The following LRPPRC variants were observed in gnomAD, a reference collection of about 807,000 sequenced individuals.
LRPPRC encodes the protein leucine-rich PPR motif-containing protein, mitochondrial.
In LRPPRC, 120 loss-of-function variants were observed where a neutral mutation model predicts 180.3. The ratio of observed to expected loss-of-function variants is 0.67; its 90% CI spans 0.57 to 0.77. LRPPRC has a LOEUF of 0.77. Ranked by LOEUF, LRPPRC falls within the 30% of genes least tolerant of loss-of-function variation. The pLI, the probability that LRPPRC is intolerant of heterozygous loss-of-function variation, is 0.00. For synonymous variants in LRPPRC, 723 were observed against 600.0 expected, an observed-to-expected ratio of 1.21 and a Z score of -3.00; for missense variants, 2,012 against 1,657.2, an observed-to-expected ratio of 1.21 and a Z score of -3.72.
chr2:43,987,585 T>C (rs1674585858), intron 1 of LRPPRC, among the ~76,000 whole-genome samples: 1 of 150,436 alleles, frequency 6.6e-6, no homozygotes, highest in Admixed American at 6.6e-5. Flanking sequence ...AAACTCAAAC[T>C]CAAAATCTTA....
At chr2:43,890,008 A>G in intron 36 of LRPPRC, 132 bp from the exon 37 acceptor site, 2 of 674,996 alleles carry the variant, frequency 3.0e-6, no homozygotes, top group Non-Finnish European at 5.4e-6. Context: ...ACTTTCAGTA[A>G]GAAGCCACAT....
At chr2:43,918,173 T>A (rs1175814575) in intron 28 of LRPPRC, 40 bp from the exon 29 acceptor site, 42 of 1,597,386 alleles carry the variant, frequency 2.6e-5, no homozygotes, top group Non-Finnish European at 3.2e-5. Context: ...AAACTGGTAA[T>A]CTTTTCAATA....
intron 13 of LRPPRC, among the ~76,000 whole-genome samples, chr2:43,958,484 T>C (rs1395418918): frequency 6.6e-6 from 1 of 152,166 alleles, no homozygotes; most frequent in East Asian, 1.9e-4. Context: ...AGGAGAATTG[T>C]TTTAGATCAG....
chr2:43,957,382 T>C lies in LRPPRC; in HGVS notation c.1649+3A>G, dbSNP rs1159690775. ...CAAGGAACATTTAAGTTGATCATCT[T>C]ACCTCCTGAAGCCTAGCAGTAGGCT... On this transcript the variant is annotated splice_donor_region_variant and intron_variant, in intron 14 of 37. Transcript: ENST00000260665. 5 of 1,607,386 alleles carry C rather than the reference T, an allele frequency of 3.1e-6. No homozygotes were observed. The highest frequency in any genetic ancestry group is 4.3e-6 in the Non-Finnish European group (5 of 1,173,900).
Position 43,957,406 on chromosome 2 carries a change from C to G in LRPPRC, c.1628G>C (p.Ser543Thr). 6.2e-7 allele frequency: 1 copy of G among 1,613,202 alleles called. No homozygotes were observed. Residue 543 changes from serine to threonine, a missense_variant, in exon 14 of 38, where the codon AGC (serine) becomes ACC (threonine). Ser to Thr is a moderately conservative substitution (Grantham distance 58, BLOSUM62 1). Coordinates refer to ENST00000260665, the MANE Select transcript of LRPPRC (RefSeq NM_133259.4). ...TTACCTCCTGAAGCCTAGCAGTAGG[C>G]TACTTCTTATAGACTGCAGCGAGAT... is the stretch of plus-strand genomic sequence containing the variant. ...LPISLQSIRSSLLLGFRRSMN... is the reference protein window; with the variant it reads ...LPISLQSIRSTLLLGFRRSMN...
chr2:43,905,706 C>T lies in LRPPRC; in HGVS notation c.3350G>A (p.Arg1117Gln), dbSNP rs369972045. Residue 1117 changes from arginine to glutamine, a missense_variant, in exon 31 of 38, where the codon CGG (arginine) becomes CAG (glutamine). Transcript: ENST00000260665. ...NSRLIITQVR[R>Q]DYLKEAVTTL... ...TTGTGACATACCTTTCAAATAATCC[C>T]GCCTAACTTGCGTTATGATGAGGCG... is the stretch of plus-strand genomic sequence containing the variant. 2.2e-5 allele frequency: 35 copies of T among 1,613,152 alleles called. No homozygotes were observed. Among genetic ancestry groups the T allele is most frequent in the Admixed American group, 5.0e-5 (3 of 60,000 alleles).
intron 27 of LRPPRC, 111 bp from the exon 28 acceptor site, chr2:43,918,509 C>A: frequency 1.1e-6 from 1 of 884,618 alleles, no homozygotes; most frequent in Non-Finnish European, 1.8e-6. Context: ...ATTCCAAATG[C>A]TGCCTTTAGG....
chr2:43,934,246 G>A lies in LRPPRC; in HGVS notation c.2680C>T (p.Leu894Phe), dbSNP rs886056055. The change falls in exon 25 of 38, where the codon CTC (leucine) becomes TTC (phenylalanine). Residue 894 changes from leucine (L) to phenylalanine (F), a missense_variant. Physicochemically the swap from Leu to Phe is conservative, Grantham distance 22. Transcript: ENST00000260665. Reference sequence around the variant, plus strand: ...CCTGTTTGTAGGAAGGCAAAGAAGAGATCATAGAGCATCACCATTTCACCT... The same window carrying A: ...CCTGTTTGTAGGAAGGCAAAGAAGAAATCATAGAGCATCACCATTTCACCT... ...EQGEMVMLYDLFFAFLQTGNY... is the reference protein window; with the variant it reads ...EQGEMVMLYDFFFAFLQTGNY... 1.2e-6 allele frequency: 2 copies of A among 1,612,220 alleles called. No homozygotes were observed. Among genetic ancestry groups the A allele is most frequent in the Non-Finnish European group, 1.7e-6 (2 of 1,178,788 alleles).
rs747563477 is a variant in LRPPRC, at chr2:43,977,206, T to G, written c.540A>C (p.Ser180=). ...KVYLQNEYKF[S]PTDFLAKMEE... is the part of the protein sequence containing the mutation. ...CCATTTTTGCCAGGAAATCAGTTGG[T>G]GAGAATTTATATTCATTTTGAAGAT... Residue 180 remains serine (S), a synonymous_variant, in exon 4 of 38, where the codon TCA becomes TCC. Coordinates refer to ENST00000260665, the MANE Select transcript of LRPPRC (RefSeq NM_133259.4). 6 of 1,606,144 alleles carry G rather than the reference T, an allele frequency of 3.7e-6. No homozygotes were observed. In the South Asian group the frequency reaches 6.6e-5, roughly 18 times the overall value.
At chr2:43,895,687 T>G (rs947333921) in intron 35 of LRPPRC, among the ~76,000 whole-genome samples, 1 of 152,026 alleles carries the variant, frequency 6.6e-6, no homozygotes, top group African/African-American at 2.4e-5. Context: ...AGGGGAAGGG[T>G]GTAGAAATTC....
intron 9 of LRPPRC, 26 bp from the exon 10 acceptor site, chr2:43,973,926 G>T: frequency 7.2e-7 from 1 of 1,381,102 alleles, no homozygotes; most frequent in Non-Finnish European, 1.0e-6. Flanking sequence ...CACCACATTA[G>T]CTGGATTGGC....
chr2:43,984,353 G>A (rs1021561096), intron 1 of LRPPRC, among the ~76,000 whole-genome samples: 16 of 152,058 alleles, frequency 1.1e-4, no homozygotes, highest in African/African-American at 3.6e-4. Flanking sequence ...TAAAACTTCC[G>A]CTACAGGATA....
Position 43,888,165 on chromosome 2 carries a change from C to G in LRPPRC, c.*435G>C, listed in dbSNP as rs1393169939. Reference sequence around the variant, plus strand: ...AGTTCGAAAGTTATGCAGGACTTCACACATGTACGGAATGGCTGTATCACA... The same window carrying G: ...AGTTCGAAAGTTATGCAGGACTTCAGACATGTACGGAATGGCTGTATCACA... On this transcript the variant is annotated 3_prime_UTR_variant, in exon 38 of 38. Transcript: ENST00000260665. The G allele has an allele frequency of 9.1e-5, 19 of 208,544 alleles. No individual in the cohort carries two copies. Among genetic ancestry groups the G allele is most frequent in the Non-Finnish European group, 3.9e-5 (4 of 103,336 alleles). The allele number at this position is 208,544 out of a possible 1,614,324, so 12.9% of individuals were successfully genotyped here.
intron 1 of LRPPRC, among the ~76,000 whole-genome samples, chr2:43,992,607 C>T (rs4346434): frequency 0.67 from 102,001 of 151,996 alleles, 35,701 homozygotes; most frequent in Middle Eastern, 0.77. Context: ...GATGAAGGGG[C>T]TGGAGGAAAA....
chr2:43,988,193 A>G (rs1419457563), intron 1 of LRPPRC, among the ~76,000 whole-genome samples: 1 of 145,206 alleles, frequency 6.9e-6, no homozygotes, highest in Admixed American at 7.1e-5. Flanking sequence ...GTGAGCCAAG[A>G]TCGCCCCACT....
chr2:43,960,868 A>G (rs1411559690), intron 12 of LRPPRC, among the ~76,000 whole-genome samples: 1 of 152,236 alleles, frequency 6.6e-6, no homozygotes, highest in Non-Finnish European at 1.5e-5. Flanking sequence ...CCTTACTTCC[A>G]GGATGAGTTT....
At chr2:43,920,375 A>G (rs1256564953) in intron 27 of LRPPRC, among the ~76,000 whole-genome samples, 1 of 152,162 alleles carries the variant, frequency 6.6e-6, no homozygotes, top group Non-Finnish European at 1.5e-5. Context: ...ACCTCAAGCA[A>G]TTCACTGGCC....
intron 25 of LRPPRC, among the ~76,000 whole-genome samples, chr2:43,930,118 G>C (rs1672032762): frequency 6.6e-6 from 1 of 152,078 alleles, no homozygotes; most frequent in South Asian, 2.1e-4. Flanking sequence ...GAGATCACTG[G>C]AATCCAAGCT....
At chr2:43,955,421 T>TTCG (rs1380996173) in intron 14 of LRPPRC, among the ~76,000 whole-genome samples, 1 of 150,480 alleles carries the variant, frequency 6.6e-6, no homozygotes, top group African/African-American at 2.5e-5. Context: ...ATGAGCCATG[T>TTCG]TCGTACCACT....
Sources: allele counts gnomAD v4.1 joint callset (sites outside exome capture counted in the v4.1 genomes callset), GRCh38; gene constraint gnomAD v4.1.1; transcripts MANE v1.5; gene names NCBI Gene and HGNC (gene_info 2026-07-23, HGNC 2026-07-21).